Variants in PLEKHG1 observed in about 807,000 individuals in gnomAD.
The protein encoded by PLEKHG1 is pleckstrin homology and RhoGEF domain containing G1.
Under a neutral mutation model 100.8 loss-of-function variants are expected in PLEKHG1, and 44 were observed. The observed-to-expected ratio is 0.44, with a 90% CI of 0.34 to 0.56. The LOEUF (loss-of-function observed/expected upper bound fraction) is 0.56. PLEKHG1 is among the 20% of genes least tolerant of loss of function. The pLI is 0.01. For synonymous variants in PLEKHG1, 640 were observed against 662.5 expected, an observed-to-expected ratio of 0.97 and a Z score of 0.52; for missense variants, 1,545 against 1,720.9, an observed-to-expected ratio of 0.90 and a Z score of 1.81.
chr6:150,616,927 G>T (rs887292393), intron 1 of PLEKHG1, among the ~76,000 whole-genome samples: 9 of 152,196 alleles, frequency 5.9e-5, no homozygotes, highest in Non-Finnish European at 1.2e-4. Flanking sequence ...AAATGTTGAA[G>T]TTCTAGAATT....
chr6:150,753,972 A>T (rs931201280), intron 2 of PLEKHG1, among the ~76,000 whole-genome samples: 3 of 152,180 alleles, frequency 2.0e-5, no homozygotes, highest in Non-Finnish European at 4.4e-5. Context: ...CAGAGTCTAC[A>T]CTCATTAGGT....
At chr6:150,773,158 T>C (rs373420493) in intron 3 of PLEKHG1, among the ~76,000 whole-genome samples, 112 of 152,344 alleles carry the variant, frequency 7.4e-4, no homozygotes, top group African/African-American at 2.6e-3. Context: ...TTGTCCTTAA[T>C]GTGCCTAACA....
intron 2 of PLEKHG1, among the ~76,000 whole-genome samples, chr6:150,648,512 A>G (rs1778588849): frequency 2.0e-5 from 3 of 152,178 alleles, no homozygotes; most frequent in Admixed American, 1.3e-4. Flanking sequence ...TTGATAGGGC[A>G]TAATGGATCT....
chr6:150,619,082 T>TA (rs1334174205), intron 1 of PLEKHG1, among the ~76,000 whole-genome samples: 4 of 152,100 alleles, frequency 2.6e-5, no homozygotes, highest in Non-Finnish European at 4.4e-5. Flanking sequence ...ATCCTGTCTC[T>TA]AAAAAAAGAA....
At chr6:150,774,955 G>A (rs1380549003) in intron 3 of PLEKHG1, among the ~76,000 whole-genome samples, 2 of 151,928 alleles carry the variant, frequency 1.3e-5, no homozygotes, top group African/African-American at 4.8e-5. Context: ...TCTTTGTTCA[G>A]TATTGGTATA....
chr6:150,737,281 A>ATTTTTT (rs34129872), intron 2 of PLEKHG1, among the ~76,000 whole-genome samples: 3 of 117,034 alleles, frequency 2.6e-5, no homozygotes, highest in African/African-American at 9.5e-5. Flanking sequence ...TCATATGGGT[A>ATTTTTT]TTTTTTTTTT....
chr6:150,649,138 A>G (rs141836846), intron 2 of PLEKHG1, among the ~76,000 whole-genome samples: 176 of 152,326 alleles, frequency 1.2e-3, no homozygotes, highest in African/African-American at 4.1e-3. Context: ...CTTCAATGAA[A>G]AAGTACTCGT....
chr6:150,720,633 C>T (rs1311440796), upstream of PLEKHG1, among the ~76,000 whole-genome samples: 2 of 151,930 alleles, frequency 1.3e-5, no homozygotes, highest in East Asian at 3.9e-4. Context: ...CCCCAACCTG[C>T]ATTTTAAAAC....
chr6:150,650,078 G>GAA (rs530126034), intron 2 of PLEKHG1, among the ~76,000 whole-genome samples: 2 of 140,624 alleles, frequency 1.4e-5, no homozygotes, highest in East Asian at 2.1e-4. Context: ...AAAAAAGAAA[G>GAA]AAAAAAAAAA....
chr6:150,807,563 C>G (rs1583169825), intron 7 of PLEKHG1, among the ~76,000 whole-genome samples: 1 of 152,232 alleles, frequency 6.6e-6, no homozygotes, highest in East Asian at 1.9e-4. Flanking sequence ...TACAATAAAT[C>G]CCACATAAAT....
chr6:150,804,281 G>A (rs1786909093), intron 6 of PLEKHG1, among the ~76,000 whole-genome samples: 1 of 138,972 alleles, frequency 7.2e-6, no homozygotes, highest in Admixed American at 7.6e-5. Flanking sequence ...CTGTCCCCCA[G>A]GTTCAAGTGA....
At position 150,632,657 on chromosome 6, in the gene PLEKHG1, CAAAGG is replaced by C. The variant is rs137968855; in HGVS notation, c.-203-5421_-203-5417del. On this transcript the variant is annotated intron_variant, in intron 1 of 3. Coordinates refer to the PLEKHG1 transcript ENST00000367326. ...AGGGCCATTATTCAGGAGCAAAAAA[CAAAGG>C]AGAGAATAATTTCACAAACATCTAT... 6.6e-3 allele frequency among the ~76,000 whole-genome samples: 1,001 copies of C among 152,322 alleles called. 14 individuals carry two copies. The highest frequency in any genetic ancestry group is 0.023 in the African/African-American group (943 of 41,576).
chr6:150,725,255 G>A (rs1335033797), intron 1 of PLEKHG1, among the ~76,000 whole-genome samples: 1 of 152,114 alleles, frequency 6.6e-6, no homozygotes, highest in African/African-American at 2.4e-5. Flanking sequence ...ATTCATGAGG[G>A]TAGAGCCCTC....
intron 3 of PLEKHG1, among the ~76,000 whole-genome samples, chr6:150,677,283 T>TACGCGCACACACACACACAC (rs756621195): frequency 3.2e-4 from 43 of 134,138 alleles, no homozygotes; most frequent in African/African-American, 1.1e-3. Context: ...TTTCTTCCCC[T>TACGCGCACACACACACACAC]ATACACACAC....
In PLEKHG1 at chr6:150,810,343, C is replaced by T. The variant is rs531579221; in HGVS notation, c.1278+609C>T. On this transcript the variant is annotated intron_variant, in intron 10 of 15. Transcript: ENST00000358517. ...GGAGTGCAGTGGCGCAATCTCCACA[C>T]AAGAAAAAGCAAACTGCAACCTCTT... is the stretch of plus-strand genomic sequence containing the variant. Among the ~76,000 whole-genome samples, 30 of 150,034 alleles carry T rather than the reference C, an allele frequency of 2.0e-4. 1 individual carries two copies. The Middle Eastern group carries it at 0.01, about 51-fold the overall frequency.
chr6:150,760,839 C>G (rs562952693), intron 2 of PLEKHG1, among the ~76,000 whole-genome samples: 6 of 151,804 alleles, frequency 4.0e-5, no homozygotes, highest in African/African-American at 1.5e-4. Flanking sequence ...ACTGCAATTT[C>G]GAAAATAAAT....
rs533943996 is a variant in PLEKHG1, at chr6:150,797,526, A to T, written c.629+1624A>T. Among the ~76,000 whole-genome samples, 5 of 152,060 alleles carry T rather than the reference A, an allele frequency of 3.3e-5. No homozygotes were observed. In the South Asian group the frequency reaches 1.0e-3, roughly 32 times the overall value. On this transcript the variant is annotated intron_variant, in intron 5 of 15. Coordinates refer to ENST00000358517, the Ensembl canonical transcript of PLEKHG1. ...ACTCCAGCCCAGGCAACAGAGCAAG[A>T]TCCTGTCTCTTAAAGACCCAAGAAG...
chr6:150,639,545 CTTTT>C (rs1160137411), intron 2 of PLEKHG1, among the ~76,000 whole-genome samples: 1 of 144,764 alleles, frequency 6.9e-6, no homozygotes, highest in Non-Finnish European at 1.5e-5. Context: ...TGTTCCTATC[CTTTT>C]TTTTTTTTAT....
intron 1 of PLEKHG1, among the ~76,000 whole-genome samples, chr6:150,730,473 T>C (rs1157318711): frequency 6.6e-6 from 1 of 152,070 alleles, no homozygotes; most frequent in South Asian, 2.1e-4. Context: ...CGTGCTCCTA[T>C]GAGAATCTAA....
Sources: allele counts gnomAD v4.1 joint callset (sites outside exome capture counted in the v4.1 genomes callset), GRCh38; gene constraint gnomAD v4.1.1; transcripts MANE v1.5; gene names NCBI Gene and HGNC (gene_info 2026-07-23, HGNC 2026-07-21).